Variants in LINS1 observed in about 807,000 individuals in gnomAD.
LINS1 encodes the protein lines homolog 1, also known as protein Lines homolog 1.
In LINS1, 27 loss-of-function variants were observed where a neutral mutation model predicts 41.6. That is an observed-to-expected ratio of 0.65 (90% confidence interval 0.48 to 0.89). The LOEUF is 0.89. LINS1 is among the 40% of genes least tolerant of loss of function. The pLI is 0.00. For synonymous variants in LINS1, 336 were observed against 312.9 expected, an observed-to-expected ratio of 1.07 and a Z score of -0.78; for missense variants, 955 against 884.1, an observed-to-expected ratio of 1.08 and a Z score of -1.02.
In LINS1 at chr15:100,573,290, T is replaced by G. The variant is rs1350550548; in HGVS notation, c.1222+361A>C. ...GGGGGGTCAGGGCTGCAGTGGGCCA[T>G]GGTCACGCACCTGCAGTTTAGATTA... On this transcript the variant is annotated intron_variant, in intron 5 of 6. Transcript: ENST00000314742. The G allele has an allele frequency of 3.6e-6, 3 of 828,408 alleles. No individual in the cohort carries two copies. The African/African-American group carries it at 5.5e-5, about 15-fold the overall frequency. The allele number at this position is 828,408 out of a possible 1,614,324, so 51.3% of individuals were successfully genotyped here.
intron 3 of LINS1, among the ~76,000 whole-genome samples, chr15:100,579,074 A>G (rs2038369041): frequency 6.6e-6 from 1 of 152,080 alleles, no homozygotes; most frequent in South Asian, 2.1e-4. Context: ...CACCTAATGT[A>G]AATGACGAGT....
At chr15:100,599,242 T>C (rs748168695) in intron 1 of LINS1, among the ~76,000 whole-genome samples, 1 of 152,228 alleles carries the variant, frequency 6.6e-6, no homozygotes, top group Non-Finnish European at 1.5e-5. Context: ...TAAAACCTAA[T>C]CAATATTAAC....
intron 1 of LINS1, among the ~76,000 whole-genome samples, chr15:100,586,766 A>G (rs2038818310): frequency 6.6e-6 from 1 of 152,200 alleles, no homozygotes; most frequent in Admixed American, 6.5e-5. Context: ...AAAAATTTAT[A>G]TAATAAAATA....
chr15:100,572,372 G>T lies in LINS1; in HGVS notation c.1223-307C>A, dbSNP rs75919779. ...GTTATGTGATTTCTTGCTAAAAGCA[G>T]ATAAATAAATGAGCAGACAACTAAG... On this transcript the variant is annotated intron_variant, in intron 5 of 6. Transcript: ENST00000314742. 7.5e-5 allele frequency: 89 copies of T among 1,180,870 alleles called. No homozygotes were observed. The East Asian group carries it at 3.3e-3, about 44-fold the overall frequency. The allele number at this position is 1,180,870 out of a possible 1,614,324, so 73.1% of individuals were successfully genotyped here.
intron 3 of LINS1, among the ~76,000 whole-genome samples, chr15:100,577,470 T>C (rs1004858862): frequency 6.6e-6 from 1 of 152,166 alleles, no homozygotes; most frequent in African/African-American, 2.4e-5. Context: ...TTACAAGGGA[T>C]GTGAAGGACC....
At chr15:100,573,274 G>C in intron 5 of LINS1, 1 of 649,116 alleles carries the variant, frequency 1.5e-6, no homozygotes, top group Non-Finnish European at 2.0e-6. Context: ...AGGGGGGTCA[G>C]GGCTGCAGTG....
intron 3 of LINS1, among the ~76,000 whole-genome samples, chr15:100,578,203 A>C (rs2038306032): frequency 1.3e-5 from 2 of 152,090 alleles, no homozygotes; most frequent in Non-Finnish European, 2.9e-5. Context: ...GAGCTTCTGC[A>C]CAGCAAAAGA....
chr15:100,576,766 A>T (rs1052447435), intron 3 of LINS1: 1 of 152,266 alleles, frequency 6.6e-6, no homozygotes, highest in African/African-American at 2.4e-5. Context: ...ATCGATGAGA[A>T]AATCCTCAGT....
Position 100,568,918 on chromosome 15 carries a change from G to T in LINS1, c.*320C>A. ...ACAGGCGGATCACTTGAGGTCAGGA[G>T]TTTGAGACCAGCCTGGCAACATGGT... On this transcript the variant is annotated 3_prime_UTR_variant, in exon 7 of 7. Transcript: ENST00000314742. 1 of 237,930 alleles carries T rather than the reference G, an allele frequency of 4.2e-6. No individual in the cohort carries two copies. The highest frequency in any genetic ancestry group is 8.3e-6 in the Non-Finnish European group (1 of 120,652). 14.7% of individuals were successfully genotyped at this position (237,930 alleles called of 1,614,324 possible).
Position 100,569,488 on chromosome 15 carries a change from A to G in LINS1, c.2024T>C (p.Leu675Pro). Residue 675 changes from leucine (L) to proline (P), a missense_variant, in exon 7 of 7, where the codon CTT becomes CCT. Transcript: ENST00000314742. ...GTSRDKKEFS[L>P]EPPSRPLVLK... is the part of the protein sequence containing the mutation. ...AACCAGAGGCCTTGATGGAGGCTCA[A>G]GGCTAAATTCTTTTTTATCCCTGCT... 1 of 1,614,204 alleles carries G rather than the reference A, an allele frequency of 6.2e-7. No homozygotes were observed. The highest frequency in any genetic ancestry group is 8.5e-7 in the Non-Finnish European group (1 of 1,180,030).
intron 1 of LINS1, among the ~76,000 whole-genome samples, chr15:100,585,280 T>C (rs2038750323): frequency 6.6e-6 from 1 of 152,154 alleles, no homozygotes; most frequent in African/African-American, 2.4e-5. Flanking sequence ...TTGGCAGAGG[T>C]TCTGAGGTCT....
At chr15:100,594,806 C>T (rs2039177882) in intron 1 of LINS1, among the ~76,000 whole-genome samples, 1 of 152,124 alleles carries the variant, frequency 6.6e-6, no homozygotes, top group Admixed American at 6.6e-5. Flanking sequence ...TCCCCAATTC[C>T]CTAAATATTT....
rs538265138 is a variant in LINS1 at position 100,569,493 on chromosome 15, A to T, written c.2019T>A (p.Phe673Leu). 7 of 1,614,196 alleles carry T rather than the reference A, an allele frequency of 4.3e-6. No homozygotes were observed. In the Admixed American group the frequency reaches 5.0e-5, roughly 12 times the overall value. ...AAGTSRDKKE[F>L]SLEPPSRPLV... ...GAGGCCTTGATGGAGGCTCAAGGCT[A>T]AATTCTTTTTTATCCCTGCTTGTCC... The change falls in exon 7 of 7, where the codon TTT becomes TTA. Residue 673 changes from phenylalanine (F) to leucine (L), a missense_variant. Coordinates refer to ENST00000314742, the MANE Select transcript of LINS1 (RefSeq NM_001040616.3).
intron 1 of LINS1, among the ~76,000 whole-genome samples, chr15:100,585,290 T>C (rs1430014415): frequency 2.6e-5 from 4 of 152,256 alleles, no homozygotes; most frequent in African/African-American, 9.6e-5. Flanking sequence ...TTCTGAGGTC[T>C]AGTCCTAAAC....
intron 6 of LINS1, among the ~76,000 whole-genome samples, chr15:100,571,017 C>T (rs2037795213): frequency 6.6e-6 from 1 of 152,160 alleles, no homozygotes; most frequent in South Asian, 2.1e-4. Context: ...CTCTTACAGG[C>T]GTGTGCATTT....
In LINS1 at chr15:100,580,946, C is replaced by T; in HGVS notation, c.-103-1G>A. On this transcript the variant is annotated splice_acceptor_variant, in intron 1 of 6. Transcript: ENST00000314742. LOFTEE classifies it low-confidence loss of function (5UTR_SPLICE). The stretch of plus-strand genomic sequence containing the variant: ...CTCTAAGAAGTTTCTTCAGTGAAAC[C>T]TAAAATAGGAAAAATAATTTAAAAA... The T allele has an allele frequency of 1.9e-6, 2 of 1,047,440 alleles. No homozygotes were observed. The highest frequency in any genetic ancestry group is 2.6e-5 in the East Asian group (1 of 38,602). The allele number at this position is 1,047,440 out of a possible 1,614,324, so 64.9% of individuals were successfully genotyped here.
rs147208122 is a variant in LINS1, at chr15:100,575,317, G to C, written c.490-189C>G. Among the ~76,000 whole-genome samples the C allele has an allele frequency of 2.4e-3, 367 of 151,664 alleles. 2 individuals carry two copies. The highest frequency in any genetic ancestry group is 8.5e-3 in the African/African-American group (352 of 41,352). The stretch of plus-strand genomic sequence containing the variant: ...AATATGCCACAGAAATAAAATAAAG[G>C]GATGGAGGAAGATCTACCAAGCAAA... On this transcript the variant is annotated intron_variant, in intron 3 of 6. Transcript: ENST00000314742.
intron 1 of LINS1, among the ~76,000 whole-genome samples, chr15:100,600,001 G>C (rs538940749): frequency 6.6e-6 from 1 of 152,284 alleles, no homozygotes; most frequent in South Asian, 2.1e-4. Context: ...GGGAGGCGGA[G>C]GTTGCAGTGA....
chr15:100,572,174 T>C, intron 5 of LINS1, 109 bp from the exon 6 acceptor site: 1 of 1,530,874 alleles, frequency 6.5e-7, no homozygotes, highest in South Asian at 1.2e-5. Context: ...GCAATTATCC[T>C]AATTCACTTT....
Sources: gnomAD v4.1 joint callset for allele counts (sites outside exome capture counted in the v4.1 genomes callset) on GRCh38, gnomAD v4.1.1 for gene constraint, MANE v1.5 for transcripts, NCBI Gene and HGNC (gene_info 2026-07-23, HGNC 2026-07-21) for gene names.